PAG1: variants seen among roughly 807,000 people sequenced by gnomAD.
PAG1 encodes phosphoprotein associated with glycosphingolipid-enriched microdomains 1.
Under a neutral mutation model 31.7 loss-of-function variants are expected in PAG1, and 23 were observed. The observed-to-expected ratio is 0.73, with a 90% CI of 0.52 to 1.03. PAG1 has a LOEUF of 1.03. Ranked by LOEUF, PAG1 falls within the 50% of genes least tolerant of loss-of-function variation. The pLI is 0.00. For missense variants in PAG1, 473 were observed against 540.7 expected (o/e 0.87, Z 1.24); for synonymous variants, 214 against 210.3 (o/e 1.02, Z -0.15).
chr8:81,109,988 A>G (rs1165350457), intron 1 of PAG1, among the ~76,000 whole-genome samples: 1 of 148,948 alleles, frequency 6.7e-6, no homozygotes, highest in Non-Finnish European at 1.5e-5. Context: ...CACAAACCGC[A>G]ATGTGTTGAT....
chr8:80,997,033 C>T (rs1341187320), intron 3 of PAG1, among the ~76,000 whole-genome samples: 1 of 151,018 alleles, frequency 6.6e-6, no homozygotes, highest in East Asian at 1.9e-4. Context: ...ACTGTGCCAC[C>T]CAAGGCAGTG....
chr8:81,073,310 C>T (rs1189207773), intron 1 of PAG1, among the ~76,000 whole-genome samples: 2 of 152,208 alleles, frequency 1.3e-5, no homozygotes, highest in East Asian at 3.9e-4. Flanking sequence ...GAGTGCAGAG[C>T]AGTGTCGGGT....
chr8:81,026,218 T>C (rs1481006379), intron 3 of PAG1, among the ~76,000 whole-genome samples: 1 of 151,710 alleles, frequency 6.6e-6, no homozygotes, highest in Non-Finnish European at 1.5e-5. Context: ...AATAGTATCA[T>C]TCACCTATAG....
intron 2 of PAG1, among the ~76,000 whole-genome samples, chr8:81,062,821 G>C (rs1235512957): frequency 1.3e-5 from 2 of 152,058 alleles, no homozygotes; most frequent in Non-Finnish European, 1.5e-5. Context: ...TGGGATTAAG[G>C]GCACAAGTCT....
At chr8:80,988,112 A>C (rs545616063) in intron 5 of PAG1, among the ~76,000 whole-genome samples, 2 of 152,304 alleles carry the variant, frequency 1.3e-5, no homozygotes, top group Admixed American at 1.3e-4. Context: ...GAATCTTCCA[A>C]AGCCATGTGC....
At chr8:81,052,870 T>A (rs1472737325) in intron 2 of PAG1, among the ~76,000 whole-genome samples, 1 of 152,202 alleles carries the variant, frequency 6.6e-6, no homozygotes, top group Non-Finnish European at 1.5e-5. Context: ...ATTTTTCAGA[T>A]AAAGAAACTG....
intron 3 of PAG1, among the ~76,000 whole-genome samples, chr8:80,994,375 T>C (rs1807628726): frequency 6.6e-6 from 1 of 152,232 alleles, no homozygotes; most frequent in South Asian, 2.1e-4. Flanking sequence ...TATAAACAAT[T>C]GCAAGAGAAG....
At position 80,990,093 on chromosome 8, in the gene PAG1, G is replaced by A. The variant is rs1422941243; in HGVS notation, c.177+1386C>T. On this transcript the variant is annotated intron_variant, in intron 5 of 8. Transcript: ENST00000220597. The surrounding 1 kb of genome is among the most constrained non-coding windows in gnomAD (Gnocchi z 5.1). ...AGCAATCACCAGGCAGAGCAGGGGC[G>A]CTGGGAACAGATGAGAAGTGGCGAC... 2.6e-5 allele frequency among the ~76,000 whole-genome samples: 4 copies of A among 151,586 alleles called. No individual in the cohort carries two copies. Among genetic ancestry groups the A allele is most frequent in the South Asian group, 2.1e-4 (1 of 4,774 alleles).
chr8:81,086,898 T>C (rs554567956), intron 1 of PAG1, among the ~76,000 whole-genome samples: 36 of 152,290 alleles, frequency 2.4e-4, no homozygotes, highest in African/African-American at 7.9e-4. Flanking sequence ...TATAACCACA[T>C]TGAAAAAAGT....
chr8:81,090,893 T>G (rs1247891604), intron 1 of PAG1, among the ~76,000 whole-genome samples: 1 of 152,046 alleles, frequency 6.6e-6, no homozygotes, highest in African/African-American at 2.4e-5. Flanking sequence ...TTCAGAAAAA[T>G]CAATGAAGGA....
At chr8:80,998,586 C>T (rs1807728474) in intron 3 of PAG1, among the ~76,000 whole-genome samples, 2 of 74,800 alleles carry the variant, frequency 2.7e-5, no homozygotes, top group African/African-American at 5.4e-5. Flanking sequence ...AAAATCAATT[C>T]CAACAGGAGA....
chr8:80,999,500 C>A (rs1485518137), intron 3 of PAG1, among the ~76,000 whole-genome samples: 1 of 151,748 alleles, frequency 6.6e-6, no homozygotes, highest in Admixed American at 6.6e-5. Context: ...CCTGGAATGC[C>A]TTAACATCAC....
chr8:81,059,280 T>C (rs1310748986), intron 2 of PAG1, among the ~76,000 whole-genome samples: 6 of 151,784 alleles, frequency 4.0e-5, no homozygotes, highest in Non-Finnish European at 8.8e-5. Flanking sequence ...CATTCTTTTT[T>C]TTTTTTTCTT....
At chr8:81,001,439 A>G (rs1807782830) in intron 3 of PAG1, among the ~76,000 whole-genome samples, 1 of 152,144 alleles carries the variant, frequency 6.6e-6, no homozygotes, top group African/African-American at 2.4e-5. Context: ...TGATGCTGAA[A>G]CTTGATGGGG....
chr8:81,021,501 A>AGT (rs997644332), intron 3 of PAG1, among the ~76,000 whole-genome samples: 6 of 100,404 alleles, frequency 6.0e-5, no homozygotes, highest in East Asian at 2.5e-4. Flanking sequence ...CATTACTTCA[A>AGT]GTGTGTGTGT....
At chr8:81,036,981 A>G (rs1808472322) in intron 2 of PAG1, 1 of 152,202 alleles carries the variant, frequency 6.6e-6, no homozygotes, top group Non-Finnish European at 1.5e-5. Flanking sequence ...TACAGAAAAA[A>G]TGGAAGCAGC....
chr8:81,021,286 G>A (rs965280090), intron 3 of PAG1, among the ~76,000 whole-genome samples: 1 of 152,020 alleles, frequency 6.6e-6, no homozygotes, highest in East Asian at 1.9e-4. Flanking sequence ...TTTTTAATAC[G>A]TTAGTTATAA....
intron 3 of PAG1, among the ~76,000 whole-genome samples, chr8:81,015,317 A>G (rs903798025): frequency 6.6e-6 from 1 of 152,204 alleles, no homozygotes; most frequent in South Asian, 2.1e-4. Flanking sequence ...GTTCTTACCC[A>G]TTATAAAAGG....
chr8:80,992,419 G>A (rs890534503), intron 4 of PAG1, among the ~76,000 whole-genome samples: 1 of 152,216 alleles, frequency 6.6e-6, no homozygotes, highest in African/African-American at 2.4e-5. Flanking sequence ...GGTCTGCATG[G>A]GCCTCTGGTG....
Sources: gnomAD v4.1 joint callset for allele counts (sites outside exome capture counted in the v4.1 genomes callset) on GRCh38, gnomAD v4.1.1 for gene constraint, Gnocchi (gnomAD v3.1) non-coding constraint, MANE v1.5 for transcripts, NCBI Gene and HGNC (gene_info 2026-07-23, HGNC 2026-07-21) for gene names.